The following AGMO variants were observed in gnomAD, a reference collection of about 807,000 sequenced individuals.
AGMO encodes the protein alkylglycerol monooxygenase.
In AGMO, 75 loss-of-function variants were observed where a neutral mutation model predicts 60.2. The ratio of observed to expected loss-of-function variants is 1.25; its 90% CI spans 1.03 to 1.51. The LOEUF (loss-of-function observed/expected upper bound fraction) is 1.51, where lower values mean the gene tolerates loss of function less well. AGMO is among the 40% of genes most tolerant of loss of function. The pLI is 0.00. For missense variants in AGMO, 763 were observed against 525.5 expected, an observed-to-expected ratio of 1.45 and a Z score of -4.42; for synonymous variants, 261 against 177.1, an observed-to-expected ratio of 1.47 and a Z score of -3.76.
the AGMO span, among the ~76,000 whole-genome samples, chr7:15,185,604 C>G: frequency 6.6e-6 from 1 of 152,136 alleles, no homozygotes; most frequent in Non-Finnish European, 1.5e-5. Flanking sequence ...GGAGGCAGTC[C>G]TGCTCACGGA....
intron 3 of AGMO, among the ~76,000 whole-genome samples, chr7:15,518,207 C>G (rs776023719): frequency 9.9e-5 from 15 of 152,154 alleles, no homozygotes; most frequent in Non-Finnish European, 1.8e-4. Context: ...TTCCCTGGGA[C>G]AGAGCACCTG....
intron 12 of AGMO, among the ~76,000 whole-genome samples, chr7:15,287,236 T>G (rs1784123540): frequency 6.6e-6 from 1 of 152,102 alleles, no homozygotes; most frequent in Non-Finnish European, 1.5e-5. Flanking sequence ...TAAAATATAT[T>G]TTTTAAAAAA....
At chr7:15,199,666 G>C (rs1224688855), downstream of AGMO, among the ~76,000 whole-genome samples, 1 of 152,132 alleles carries the variant, frequency 6.6e-6, no homozygotes, top group Non-Finnish European at 1.5e-5. Context: ...CAAGCCAGCA[G>C]AGGGCTCCCT....
chr7:15,417,646 T>A (rs756198175), intron 5 of AGMO, among the ~76,000 whole-genome samples: 2 of 152,222 alleles, frequency 1.3e-5, no homozygotes, highest in African/African-American at 4.8e-5. Flanking sequence ...ATGATAGATC[T>A]TCAAATAATG....
At chr7:15,248,434 A>G (rs1037834944) in intron 12 of AGMO, among the ~76,000 whole-genome samples, 2 of 151,736 alleles carry the variant, frequency 1.3e-5, no homozygotes, top group Non-Finnish European at 2.9e-5. Flanking sequence ...CAGAGATGGC[A>G]AGGACTTTCA....
intron 5 of AGMO, among the ~76,000 whole-genome samples, chr7:15,395,018 G>C (rs557962427): frequency 6.6e-6 from 1 of 152,246 alleles, no homozygotes; most frequent in East Asian, 1.9e-4. Context: ...TAGCAGCCCA[G>C]ATGTAAGACA....
chr7:15,477,033 G>T (rs140183968), intron 3 of AGMO, among the ~76,000 whole-genome samples: 169 of 151,948 alleles, frequency 1.1e-3, no homozygotes, highest in African/African-American at 4.0e-3. Flanking sequence ...ATAATCTGAG[G>T]GTCCTCTTTT....
At chr7:15,348,806 A>G (rs1022982279) in intron 12 of AGMO, among the ~76,000 whole-genome samples, 1 of 152,132 alleles carries the variant, frequency 6.6e-6, no homozygotes, top group Admixed American at 6.6e-5. Flanking sequence ...AGTAAATGAA[A>G]ATCACATGCA....
chr7:15,282,790 T>G (rs557973133), intron 12 of AGMO, among the ~76,000 whole-genome samples: 56 of 152,238 alleles, frequency 3.7e-4, no homozygotes, highest in African/African-American at 1.3e-3. Context: ...ATATACTCAT[T>G]GGGATTTCTA....
chr7:15,266,691 CATTAA>C (rs1158176592), intron 12 of AGMO, among the ~76,000 whole-genome samples: 2 of 151,648 alleles, frequency 1.3e-5, no homozygotes, highest in African/African-American at 4.8e-5. Context: ...GATGAGTTTT[CATTAA>C]ATTATTCTCC....
chr7:15,203,481 A>AT lies in AGMO; in HGVS notation c.1264-2123dup, dbSNP rs371452233. Among the ~76,000 whole-genome samples, 274 of 144,110 alleles carry AT rather than the reference A, an allele frequency of 1.9e-3. 1 individual carries two copies. Among genetic ancestry groups the AT allele is most frequent in the Middle Eastern group, 7.1e-3 (2 of 282 alleles). The allele number at this position is 144,110 out of a possible 152,430, so 94.5% of individuals were successfully genotyped here. On this transcript the variant is annotated intron_variant, in intron 12 of 12. Transcript: ENST00000342526. ...ATGCAGTACTGAAGTTAGCAGTCTT[A>AT]TTTTTTTTTTCTTTTCTTTTTTTTT... is the stretch of plus-strand genomic sequence containing the variant.
intron 3 of AGMO, among the ~76,000 whole-genome samples, chr7:15,538,391 C>T (rs1012325630): frequency 6.6e-6 from 1 of 152,108 alleles, no homozygotes; most frequent in Non-Finnish European, 1.5e-5. Context: ...TGCCACCACA[C>T]CCAGCTAATT....
chr7:15,234,293 C>A (rs1230338258), intron 12 of AGMO, among the ~76,000 whole-genome samples: 2 of 152,076 alleles, frequency 1.3e-5, no homozygotes, highest in African/African-American at 4.8e-5. Context: ...TTCCTAAGAC[C>A]CTTATTCTGT....
At chr7:15,299,400 C>T (rs75113575) in intron 12 of AGMO, among the ~76,000 whole-genome samples, 10,295 of 152,152 alleles carry the variant, frequency 0.068, 530 homozygotes, top group South Asian at 0.19. Flanking sequence ...ACTCTCTGAA[C>T]ACCTTGAGAG....
intron 10 of AGMO, among the ~76,000 whole-genome samples, chr7:15,382,573 A>G (rs1156383850): frequency 6.6e-6 from 1 of 152,162 alleles, no homozygotes; most frequent in Non-Finnish European, 1.5e-5. Context: ...CTGTAGAAGT[A>G]TTGAATTTGC....
intron 12 of AGMO, among the ~76,000 whole-genome samples, chr7:15,237,486 G>GTT (rs531005132): frequency 6.8e-6 from 1 of 147,890 alleles, no homozygotes; most frequent in African/African-American, 2.5e-5. Flanking sequence ...CCTAGAGAGT[G>GTT]TTTTTTTTTT....
At chr7:15,133,305 T>A in the AGMO span, among the ~76,000 whole-genome samples, 2 of 152,186 alleles carry the variant, frequency 1.3e-5, no homozygotes, top group Admixed American at 6.5e-5. Context: ...TGTAGCAATA[T>A]CCAGCTACTC....
chr7:15,511,249 C>T (rs1249169285), intron 3 of AGMO, among the ~76,000 whole-genome samples: 1 of 152,078 alleles, frequency 6.6e-6, no homozygotes, highest in East Asian at 1.9e-4. Context: ...ACCATGTAGA[C>T]ATGCCAGTGA....
rs146651080 is a variant in AGMO, at chr7:15,385,511, T to G, written c.1009A>C (p.Ile337Leu). 40 of 1,613,356 alleles carry G rather than the reference T, an allele frequency of 2.5e-5. No homozygotes were observed. In the African/African-American group the frequency reaches 4.8e-4, roughly 19 times the overall value. The change falls in exon 10 of 13, where the codon ATA becomes CTA. Residue 337 changes from isoleucine (I) to leucine (L), a missense_variant. Ile to Leu is a conservative substitution (Grantham distance 5, BLOSUM62 2). Transcript: ENST00000342526. ...AGAGCAAACTGTACAACTGTATATA[T>G]CTTTAATAGCTGAGATGAAGATGAT... ...FSSSSSQLLK[I>L]YTVVQFALML...
Sources: gnomAD v4.1 joint callset for allele counts (sites outside exome capture counted in the v4.1 genomes callset) on GRCh38, gnomAD v4.1.1 for gene constraint, MANE v1.5 for transcripts, NCBI Gene and HGNC (gene_info 2026-07-23, HGNC 2026-07-21) for gene names.